LMBR1: variants seen among roughly 807,000 people sequenced by gnomAD.
LMBR1 encodes the protein limb development membrane protein 1, also known as limb region 1 protein homolog.
In LMBR1, 52 loss-of-function variants were observed where a neutral mutation model predicts 73.9. The observed-to-expected ratio is 0.70, with a 90% CI of 0.56 to 0.89. The LOEUF (loss-of-function observed/expected upper bound fraction) is 0.89. LMBR1 is among the 40% of genes least tolerant of loss of function. The probability of loss-of-function intolerance (pLI) is 0.00; values close to 1 mark genes in which losing one functional copy is unlikely to be tolerated. For synonymous variants in LMBR1, 215 were observed against 209.4 expected (o/e 1.03, Z -0.23); for missense variants, 539 against 579.8 (o/e 0.93, Z 0.72).
intron 9 of LMBR1, among the ~76,000 whole-genome samples, chr7:156,737,872 C>T (rs1446068616): frequency 6.6e-6 from 1 of 152,064 alleles, no homozygotes; most frequent in African/African-American, 2.4e-5. Flanking sequence ...TGTGGTGAGC[C>T]TTAGTTGTCT....
intron 8 of LMBR1, among the ~76,000 whole-genome samples, chr7:156,760,387 T>C (rs189045172): frequency 4.9e-4 from 75 of 152,336 alleles, no homozygotes; most frequent in African/African-American, 1.6e-3. Flanking sequence ...TAAAATGTAC[T>C]GGAATTTGTT....
chr7:156,886,919 G>C (rs984971442), intron 1 of LMBR1, among the ~76,000 whole-genome samples: 1 of 152,114 alleles, frequency 6.6e-6, no homozygotes, highest in African/African-American at 2.4e-5. Context: ...ATACTGAGGC[G>C]TGTCAGATGT....
At position 156,697,837 on chromosome 7, in the gene LMBR1, A is replaced by C. The variant is rs151305717; in HGVS notation, c.1226-9646T>G. Among the ~76,000 whole-genome samples, 197 of 152,368 alleles carry C rather than the reference A, an allele frequency of 1.3e-3. 1 individual carries two copies. The East Asian group carries it at 0.035, about 27-fold the overall frequency. On this transcript the variant is annotated intron_variant, in intron 15 of 16. Transcript: ENST00000353442. The stretch of plus-strand genomic sequence containing the variant: ...TATCACAGTGGTCCTGAGGTGACAT[A>C]CATCGTCTGCTTATGAAGACAACAG...
intron 5 of LMBR1, among the ~76,000 whole-genome samples, chr7:156,770,191 A>C (rs1249858942): frequency 6.6e-6 from 1 of 152,118 alleles, no homozygotes; most frequent in Non-Finnish European, 1.5e-5. Flanking sequence ...AAGTATGTCT[A>C]TCTTTTTTTT....
intron 9 of LMBR1, among the ~76,000 whole-genome samples, chr7:156,751,167 G>A (rs1361939587): frequency 3.3e-5 from 5 of 152,010 alleles, no homozygotes; most frequent in African/African-American, 1.2e-4. Flanking sequence ...TGGAGAGACA[G>A]GCAATATACT....
chr7:156,855,848 C>T (rs1355212424), intron 1 of LMBR1, among the ~76,000 whole-genome samples: 1 of 152,022 alleles, frequency 6.6e-6, no homozygotes, highest in Non-Finnish European at 1.5e-5. Context: ...AAAAAGAAAG[C>T]TGTAAAATAT....
At chr7:156,701,976 G>A (rs1056028530) in intron 15 of LMBR1, among the ~76,000 whole-genome samples, 1 of 152,160 alleles carries the variant, frequency 6.6e-6, no homozygotes, top group Non-Finnish European at 1.5e-5. Flanking sequence ...TTTTATGGCT[G>A]TATAATATTC....
At chr7:156,700,807 CAT>C (rs2132052342) in intron 15 of LMBR1, among the ~76,000 whole-genome samples, 1 of 152,250 alleles carries the variant, frequency 6.6e-6, no homozygotes, top group East Asian at 1.9e-4. Context: ...AGCAGTGCCC[CAT>C]TCTACTGTTA....
chr7:156,855,965 G>A (rs1345614139), intron 1 of LMBR1, among the ~76,000 whole-genome samples: 2 of 152,196 alleles, frequency 1.3e-5, no homozygotes, highest in South Asian at 2.1e-4. Context: ...GGAGGCCGAG[G>A]CGGGCAGATC....
intron 4 of LMBR1, among the ~76,000 whole-genome samples, chr7:156,813,987 G>T (rs546178834): frequency 6.6e-5 from 10 of 152,188 alleles, no homozygotes; most frequent in African/African-American, 2.4e-4. Flanking sequence ...AGATACAATT[G>T]TAAGAATCTA....
intron 1 of LMBR1, among the ~76,000 whole-genome samples, chr7:156,873,498 G>A (rs1481733609): frequency 1.8e-4 from 28 of 152,148 alleles, no homozygotes; most frequent in Admixed American, 1.8e-3. Context: ...CGGGCAGCCT[G>A]CTTTTATTCT....
At chr7:156,862,859 A>T (rs1355994248) in intron 1 of LMBR1, among the ~76,000 whole-genome samples, 2 of 152,196 alleles carry the variant, frequency 1.3e-5, no homozygotes, top group Admixed American at 1.3e-4. Context: ...CTTTGGACTC[A>T]TATTCAAACA....
chr7:156,805,215 C>CTTTTTTTT (rs58044015), intron 4 of LMBR1, among the ~76,000 whole-genome samples: 2,561 of 122,490 alleles, frequency 0.021, 61 homozygotes, highest in South Asian at 0.045. Flanking sequence ...ACATCATGCA[C>CTTTTTTTT]TTTTTTTTTT....
At chr7:156,793,092 A>G (rs1166760707) in intron 5 of LMBR1, among the ~76,000 whole-genome samples, 3 of 152,208 alleles carry the variant, frequency 2.0e-5, no homozygotes, top group Non-Finnish European at 4.4e-5. Context: ...ATACATAAAT[A>G]TATGTACTTA....
intron 5 of LMBR1, among the ~76,000 whole-genome samples, chr7:156,780,893 C>T (rs183316912): frequency 1.3e-5 from 2 of 152,236 alleles, no homozygotes; most frequent in South Asian, 2.1e-4. Context: ...AAAGACAACA[C>T]CACATGGAAA....
At chr7:156,781,052 C>G (rs537126951) in intron 5 of LMBR1, among the ~76,000 whole-genome samples, 4 of 152,256 alleles carry the variant, frequency 2.6e-5, no homozygotes, top group Non-Finnish European at 5.9e-5. Context: ...TGTAAGAAAC[C>G]TGTAATGCAG....
At position 156,763,143 on chromosome 7, in the gene LMBR1, G is replaced by T; in HGVS notation, c.584C>A (p.Ser195Tyr). The change falls in exon 7 of 17, where the codon TCC becomes TAC. Residue 195 changes from serine (S) to tyrosine (Y), a missense_variant. Physicochemically the swap from Ser to Tyr is moderately radical, Grantham distance 144. Coordinates refer to ENST00000353442, the MANE Select transcript of LMBR1 (RefSeq NM_022458.4). ...CAAACATCCCATCAATGATATACAG[G>T]AATATAAATAGGGTAGATAGAACTC... ...LWEFYLPYLYSCISLMGCLLL... is the reference protein window; with the variant it reads ...LWEFYLPYLYYCISLMGCLLL... The T allele has an allele frequency of 7.0e-7, 1 of 1,419,684 alleles. No homozygotes were observed. The highest frequency in any genetic ancestry group is 2.0e-5 in the Admixed American group (1 of 50,548). The allele number at this position is 1,419,684 out of a possible 1,614,324, so 87.9% of individuals were successfully genotyped here. A position where few individuals can be genotyped will look rare whatever the true frequency, so the allele number is the denominator to read the frequency against.
chr7:156,681,807 C>A lies in LMBR1; in HGVS notation c.*2271G>T, dbSNP rs1805090462. ...TGCAGGAACTGCAGTAAAATGAGGA[C>A]CCCCAGAGCGACTGTCCTTACCAGG... On this transcript the variant is annotated 3_prime_UTR_variant, in exon 17 of 17. Coordinates refer to ENST00000353442, the MANE Select transcript of LMBR1 (RefSeq NM_022458.4). 1 of 152,274 alleles carries A rather than the reference C, an allele frequency of 6.6e-6. No homozygotes were observed. The allele number at this position is 152,274 out of a possible 1,614,324, so 9.4% of individuals were successfully genotyped here.
intron 4 of LMBR1, among the ~76,000 whole-genome samples, chr7:156,806,101 GATA>G (rs1260891424): frequency 6.6e-6 from 1 of 150,854 alleles, no homozygotes; most frequent in Non-Finnish European, 1.5e-5. Context: ...AGCCCAAACT[GATA>G]AAGTGTCTTC....
Sources: gnomAD v4.1 joint callset for allele counts (sites outside exome capture counted in the v4.1 genomes callset) on GRCh38, gnomAD v4.1.1 for gene constraint, MANE v1.5 for transcripts, NCBI Gene and HGNC (gene_info 2026-07-23, HGNC 2026-07-21) for gene names.